The following ITPRID1 variants were observed in gnomAD, a reference collection of about 807,000 sequenced individuals.
ITPRID1 encodes the protein ITPR interacting domain containing 1, also known as protein ITPRID1.
ITPRID1 carries 96 observed loss-of-function variants against 95.4 expected under a neutral mutation model. The observed-to-expected ratio is 1.01, with a 90% CI of 0.85 to 1.19. The LOEUF (loss-of-function observed/expected upper bound fraction) is 1.19. Among genes scored for constraint, ITPRID1 ranks in the 50% most tolerant of loss-of-function variants. The probability of loss-of-function intolerance (pLI) is 0.00; values close to 1 mark genes in which losing one functional copy is unlikely to be tolerated. For synonymous variants in ITPRID1, 510 were observed against 453.6 expected (o/e 1.12, Z -1.58); for missense variants, 1,339 against 1,252.9 (o/e 1.07, Z -1.04).
chr7:31,524,350 C>T (rs1415141270), intron 1 of ITPRID1, among the ~76,000 whole-genome samples: 3 of 152,188 alleles, frequency 2.0e-5, no homozygotes, highest in African/African-American at 7.2e-5. Context: ...TTCCCAGCTG[C>T]CTGGAGTGTC....
At chr7:31,629,528 A>G (rs184546897) in intron 10 of ITPRID1, among the ~76,000 whole-genome samples, 70 of 152,360 alleles carry the variant, frequency 4.6e-4, no homozygotes, top group Non-Finnish European at 9.1e-4. Context: ...ATATTTTTCA[A>G]CAATTTTTAA....
intron 1 of ITPRID1, among the ~76,000 whole-genome samples, chr7:31,519,578 A>ATCTCGCTCTCTC (rs1175787772): frequency 2.7e-5 from 1 of 37,446 alleles, no homozygotes; most frequent in Admixed American, 4.3e-4. Flanking sequence ...TATTTCTGGT[A>ATCTCGCTCTCTC]TCTCTCTCTC....
At chr7:31,607,271 A>T (rs963768347) in intron 10 of ITPRID1, among the ~76,000 whole-genome samples, 2 of 152,088 alleles carry the variant, frequency 1.3e-5, no homozygotes, top group African/African-American at 2.4e-5. Flanking sequence ...TCTTGTTTGG[A>T]TCCTTGCTGG....
intron 1 of ITPRID1, among the ~76,000 whole-genome samples, chr7:31,538,366 G>T (rs186981116): frequency 6.6e-6 from 1 of 152,042 alleles, no homozygotes; most frequent in South Asian, 2.1e-4. Context: ...CAAACCACAG[G>T]CCAGTTTTTT....
At chr7:31,615,752 CTTT>C (rs11324820) in intron 10 of ITPRID1, among the ~76,000 whole-genome samples, 9 of 143,444 alleles carry the variant, frequency 6.3e-5, no homozygotes, top group African/African-American at 2.1e-4. Context: ...ACTGAGAATT[CTTT>C]TTTTTTTTTT....
In ITPRID1 at chr7:31,569,827, T is replaced by C. The variant is rs1486366513; in HGVS notation, c.308+18T>C. On this transcript the variant is annotated intron_variant, in intron 6 of 14. Coordinates refer to ENST00000615280, the MANE Select transcript of ITPRID1 (RefSeq NM_001257967.3). ...TACATGAGGTAGGTAGCAGAATCAG[T>C]GTTACTTCATGCCAATATTTTGCAG... 1.3e-6 allele frequency: 2 copies of C among 1,569,612 alleles called. No homozygotes were observed. Among genetic ancestry groups the C allele is most frequent in the Admixed American group, 1.9e-5 (1 of 53,200 alleles).
intron 1 of ITPRID1, among the ~76,000 whole-genome samples, chr7:31,537,464 C>T (rs193232541): frequency 2.3e-4 from 35 of 151,960 alleles, no homozygotes; most frequent in Non-Finnish European, 3.2e-4. Flanking sequence ...TAGTTTTTTC[C>T]CCCCAATTTT....
chr7:31,527,135 T>C (rs559347156), intron 1 of ITPRID1, among the ~76,000 whole-genome samples: 1 of 152,288 alleles, frequency 6.6e-6, no homozygotes, highest in East Asian at 1.9e-4. Flanking sequence ...CATGCTGTTC[T>C]CTCTCCCTGA....
intron 5 of ITPRID1, among the ~76,000 whole-genome samples, chr7:31,567,941 C>G (rs960789678): frequency 3.9e-5 from 6 of 152,086 alleles, no homozygotes; most frequent in African/African-American, 1.4e-4. Context: ...GCCTGGCTAA[C>G]ATGGTGAAAC....
intron 1 of ITPRID1, among the ~76,000 whole-genome samples, chr7:31,514,400 TA>T (rs755744750): frequency 1.6e-4 from 25 of 152,306 alleles, no homozygotes; most frequent in Non-Finnish European, 3.2e-4. Flanking sequence ...AAAATAATGT[TA>T]AATGCTGTTG....
At chr7:31,598,392 T>TTTTC (rs1786179171) in intron 10 of ITPRID1, among the ~76,000 whole-genome samples, 2 of 131,668 alleles carry the variant, frequency 1.5e-5, no homozygotes, top group African/African-American at 5.5e-5. Flanking sequence ...ATTTCTTTTT[T>TTTTC]TTTTTCTTTT....
intron 10 of ITPRID1, among the ~76,000 whole-genome samples, chr7:31,603,166 G>A (rs530456329): frequency 6.6e-6 from 1 of 152,216 alleles, no homozygotes; most frequent in Non-Finnish European, 1.5e-5. Context: ...TCTTGGCCAG[G>A]AGGCAATCAA....
At chr7:31,569,688 T>C in intron 5 of ITPRID1, 70 bp from the exon 6 acceptor site, 1 of 1,372,786 alleles carries the variant, frequency 7.3e-7, no homozygotes, top group Non-Finnish European at 1.0e-6. Context: ...TTGGTTTCAT[T>C]TGGGGTTGAG....
rs1791266164 is a variant in ITPRID1 at position 31,655,666 on chromosome 7, C to A, written c.*2837C>A. The A allele has an allele frequency of 2.2e-6, 2 of 892,530 alleles. No individual in the cohort carries two copies. Among genetic ancestry groups the A allele is most frequent in the African/African-American group, 1.8e-5 (1 of 55,374 alleles). 55.3% of individuals were successfully genotyped at this position (892,530 alleles called of 1,614,324 possible). The stretch of plus-strand genomic sequence containing the variant: ...GCATCATCCCTTTTTGCCACATCCC[C>A]ATCTTGGCTCCTATATCATGGCTCA... On this transcript the variant is annotated 3_prime_UTR_variant, in exon 15 of 15. Coordinates refer to ENST00000615280, the MANE Select transcript of ITPRID1 (RefSeq NM_001257967.3).
chr7:31,630,397 C>G (rs1200532392), intron 10 of ITPRID1, among the ~76,000 whole-genome samples: 1 of 152,056 alleles, frequency 6.6e-6, no homozygotes, highest in Non-Finnish European at 1.5e-5. Flanking sequence ...CAAAATCAGG[C>G]CTACTTAAAT....
At chr7:31,557,321 T>C (rs1004252629) in intron 5 of ITPRID1, among the ~76,000 whole-genome samples, 3 of 152,054 alleles carry the variant, frequency 2.0e-5, no homozygotes, top group Non-Finnish European at 4.4e-5. Flanking sequence ...ATCTTACAGG[T>C]GACCCAGTGC....
intron 9 of ITPRID1, among the ~76,000 whole-genome samples, chr7:31,579,750 A>C (rs544808065): frequency 7.9e-5 from 12 of 152,312 alleles, no homozygotes; most frequent in Admixed American, 7.8e-4. Context: ...TAAGGTTCCT[A>C]ATATCTATGT....
intron 1 of ITPRID1, among the ~76,000 whole-genome samples, chr7:31,522,942 G>A (rs1052557125): frequency 2.0e-5 from 3 of 152,150 alleles, no homozygotes; most frequent in Admixed American, 6.5e-5. Flanking sequence ...TATAATGTAC[G>A]TATTCAAATC....
intron 1 of ITPRID1, among the ~76,000 whole-genome samples, chr7:31,548,577 C>T (rs1386114342): frequency 1.3e-5 from 2 of 151,974 alleles, no homozygotes; most frequent in Non-Finnish European, 1.5e-5. Flanking sequence ...GGCATGAGTT[C>T]TAGAGGGCAC....
Sources: gnomAD v4.1 joint callset for allele counts (sites outside exome capture counted in the v4.1 genomes callset) on GRCh38, gnomAD v4.1.1 for gene constraint, MANE v1.5 for transcripts, NCBI Gene and HGNC (gene_info 2026-07-23, HGNC 2026-07-21) for gene names.